Variants in CLSTN2 observed in about 807,000 individuals in gnomAD.
CLSTN2 encodes the protein calsyntenin-2.
A neutral mutation model predicts 101.2 loss-of-function variants in CLSTN2; 48 were observed. The ratio of observed to expected loss-of-function variants is 0.47; its 90% CI spans 0.38 to 0.60. CLSTN2 has a LOEUF of 0.60. Ranked by LOEUF, CLSTN2 falls within the 20% of genes least tolerant of loss-of-function variation. The pLI, the probability that CLSTN2 is intolerant of heterozygous loss-of-function variation, is 0.00. For synonymous variants in CLSTN2, 481 were observed against 463.6 expected (o/e 1.04, Z -0.48); for missense variants, 1,160 against 1,238.2 (o/e 0.94, Z 0.95).
intron 1 of CLSTN2, among the ~76,000 whole-genome samples, chr3:139,958,397 T>A (rs895823772): frequency 3.3e-5 from 5 of 152,226 alleles, no homozygotes; most frequent in Non-Finnish European, 7.3e-5. Flanking sequence ...TTTACCTTTC[T>A]GTTGTCTGTA....
At chr3:140,539,754 T>C (rs774247532) in intron 9 of CLSTN2, among the ~76,000 whole-genome samples, 5 of 152,174 alleles carry the variant, frequency 3.3e-5, no homozygotes, top group Non-Finnish European at 7.4e-5. Context: ...TGACCCCCAT[T>C]TTGCCAATGA....
At chr3:140,427,330 C>G (rs1164908391) in intron 5 of CLSTN2, among the ~76,000 whole-genome samples, 1 of 149,788 alleles carries the variant, frequency 6.7e-6, no homozygotes, top group African/African-American at 2.5e-5. Flanking sequence ...GGTAGATAAA[C>G]TGGATAAGGA....
intron 1 of CLSTN2, among the ~76,000 whole-genome samples, chr3:140,103,728 C>A (rs1294365829): frequency 6.6e-6 from 1 of 152,150 alleles, no homozygotes; most frequent in Non-Finnish European, 1.5e-5. Context: ...GTTTTCTGTG[C>A]CTTGTTGAAG....
At chr3:140,213,291 A>G (rs1378744342) in intron 2 of CLSTN2, among the ~76,000 whole-genome samples, 1 of 152,092 alleles carries the variant, frequency 6.6e-6, no homozygotes, top group Non-Finnish European at 1.5e-5. Flanking sequence ...GTATTCATGT[A>G]CCCACATATT....
rs1433485674 is a variant in CLSTN2, at chr3:140,573,867, AC to A, written c.*7616del. ...AACAGAAGGGAGCTGGTACCTCTGG[AC>A]CATTGAGGCAACACCTCCCCAGAGG... On this transcript the variant is annotated 3_prime_UTR_variant, in exon 17 of 17. Transcript: ENST00000458420. 6.6e-6 allele frequency: 1 copy of A among 152,296 alleles called. No homozygotes were observed. The highest frequency in any genetic ancestry group is 2.4e-5 in the African/African-American group (1 of 41,438). The allele number at this position is 152,296 out of a possible 1,614,324, so 9.4% of individuals were successfully genotyped here. A position where few individuals can be genotyped will look rare whatever the true frequency, so the allele number is the denominator to read the frequency against.
At chr3:140,528,409 C>T (rs1935186518) in intron 8 of CLSTN2, among the ~76,000 whole-genome samples, 1 of 152,216 alleles carries the variant, frequency 6.6e-6, no homozygotes, top group African/African-American at 2.4e-5. Flanking sequence ...CTGTCATCCT[C>T]ATCTACCTCA....
intron 1 of CLSTN2, among the ~76,000 whole-genome samples, chr3:140,120,622 A>G (rs1228779216): frequency 6.6e-6 from 1 of 152,124 alleles, no homozygotes; most frequent in Non-Finnish European, 1.5e-5. Flanking sequence ...TACCAGCCCC[A>G]CTTTGAATTT....
At chr3:140,421,497 T>C (rs1490555920) in intron 5 of CLSTN2, among the ~76,000 whole-genome samples, 1 of 152,204 alleles carries the variant, frequency 6.6e-6, no homozygotes, top group African/African-American at 2.4e-5. Context: ...ATGTGCCCAG[T>C]TTGTCCAGTG....
chr3:140,542,491 T>A (rs1159807248), intron 9 of CLSTN2, among the ~76,000 whole-genome samples: 1 of 152,070 alleles, frequency 6.6e-6, no homozygotes. Context: ...AACAGAGGAG[T>A]CACGTGGCCT....
At chr3:140,512,292 A>G (rs7614848) in intron 8 of CLSTN2, among the ~76,000 whole-genome samples, 6,328 of 152,044 alleles carry the variant, frequency 0.042, 441 homozygotes, top group African/African-American at 0.14. Flanking sequence ...TAAGTCTTTA[A>G]TTCATGTTGA....
intron 8 of CLSTN2, among the ~76,000 whole-genome samples, chr3:140,521,665 G>A (rs942426222): frequency 6.6e-6 from 1 of 152,230 alleles, no homozygotes; most frequent in Non-Finnish European, 1.5e-5. Context: ...GTGCTGCATT[G>A]TGGGGGACCC....
intron 1 of CLSTN2, among the ~76,000 whole-genome samples, chr3:139,973,346 T>C (rs1371551516): frequency 2.6e-5 from 4 of 152,212 alleles, no homozygotes; most frequent in African/African-American, 7.2e-5. Context: ...GCCACAGGCT[T>C]GTTAGTGACT....
Position 139,936,005 on chromosome 3 carries a change from G to A in CLSTN2, c.109+522G>A, listed in dbSNP as rs1576369171. Among the ~76,000 whole-genome samples the A allele has an allele frequency of 2.0e-5, 3 of 152,056 alleles. No individual in the cohort carries two copies. The East Asian group carries it at 5.9e-4, about 30-fold the overall frequency. ...TCCCCCAGGGCGTCTCTGACTCCCCGGGGAACGTGTACCCTCCGGGTAGGC... is the reference window on the plus strand; with the variant it reads ...TCCCCCAGGGCGTCTCTGACTCCCCAGGGAACGTGTACCCTCCGGGTAGGC... On this transcript the variant is annotated intron_variant, in intron 1 of 16. Transcript: ENST00000458420.
chr3:139,981,054 G>T (rs934117161), intron 1 of CLSTN2, among the ~76,000 whole-genome samples: 4 of 152,028 alleles, frequency 2.6e-5, no homozygotes, highest in African/African-American at 7.2e-5. Flanking sequence ...TTATGTGTGG[G>T]TTTGATTGGG....
At chr3:140,499,789 G>A (rs1046089881) in intron 8 of CLSTN2, among the ~76,000 whole-genome samples, 1 of 152,188 alleles carries the variant, frequency 6.6e-6, no homozygotes, top group African/African-American at 2.4e-5. Context: ...TTCTGGCTGG[G>A]CGCGGTGGCT....
intron 8 of CLSTN2, among the ~76,000 whole-genome samples, chr3:140,521,297 T>C (rs1935022075): frequency 6.6e-6 from 1 of 152,234 alleles, no homozygotes; most frequent in African/African-American, 2.4e-5. Context: ...TTGAGGTTGC[T>C]GACCTTTGAA....
intron 2 of CLSTN2, among the ~76,000 whole-genome samples, chr3:140,234,884 T>C (rs1456716061): frequency 6.6e-6 from 1 of 152,160 alleles, no homozygotes; most frequent in East Asian, 1.9e-4. Flanking sequence ...TCTCTGCCTG[T>C]CTCTTAATGT....
chr3:140,086,731 A>G (rs1179568625), intron 1 of CLSTN2, among the ~76,000 whole-genome samples: 1 of 152,172 alleles, frequency 6.6e-6, no homozygotes, highest in Non-Finnish European at 1.5e-5. Context: ...TATCTCAGAC[A>G]TGTATTTTGG....
chr3:140,425,363 C>T (rs945033298), intron 5 of CLSTN2, among the ~76,000 whole-genome samples: 2 of 152,228 alleles, frequency 1.3e-5, no homozygotes, highest in East Asian at 1.9e-4. Context: ...CACAATTGCC[C>T]CTTCCATGGG....
Sources: gnomAD v4.1 joint callset for allele counts (sites outside exome capture counted in the v4.1 genomes callset) on GRCh38, gnomAD v4.1.1 for gene constraint, MANE v1.5 for transcripts, NCBI Gene and HGNC (gene_info 2026-07-23, HGNC 2026-07-21) for gene names.